SLC6A7: variants seen among roughly 807,000 people sequenced by gnomAD.
SLC6A7 encodes sodium-dependent proline transporter.
SLC6A7 carries 58 observed loss-of-function variants against 73.1 expected under a neutral mutation model. The observed-to-expected ratio is 0.79, with a 90% CI of 0.64 to 0.99. The LOEUF is 0.99. Among genes scored for constraint, SLC6A7 ranks in the 50% least tolerant of loss-of-function variants. SLC6A7 has a pLI of 0.00. For missense variants in SLC6A7, 783 were observed against 831.4 expected (o/e 0.94, Z 0.72); for synonymous variants, 338 against 338.7 (o/e 1.00, Z 0.02).
intron 1 of SLC6A7, among the ~76,000 whole-genome samples, chr5:150,191,673 G>A (rs943950852): frequency 4.6e-5 from 7 of 151,962 alleles, no homozygotes; most frequent in African/African-American, 1.7e-4. Flanking sequence ...CTCGTGATCC[G>A]CCCGCCTCGG....
chr5:150,197,010 C>A, intron 3 of SLC6A7, 32 bp from the exon 4 acceptor site: 1 of 1,596,850 alleles, frequency 6.3e-7, no homozygotes, highest in Non-Finnish European at 8.6e-7. Context: ...AGAGCTTGGC[C>A]TGGGCAGCCC....
intron 6 of SLC6A7, 108 bp from the exon 7 acceptor site, chr5:150,202,239 C>T (rs1277757847): frequency 7.8e-6 from 6 of 772,536 alleles, no homozygotes; most frequent in Non-Finnish European, 1.1e-5. Context: ...CCACGCCATC[C>T]CTCGTGACCA....
rs374861204 is a variant in SLC6A7 at position 150,196,759 on chromosome 5, C to G, written c.261C>G (p.Gly87=). The G allele has an allele frequency of 1.1e-4, 177 of 1,614,120 alleles. 5 individuals carry two copies. The highest frequency in any genetic ancestry group is 2.4e-4 in the South Asian group (22 of 91,092). The change falls in exon 3 of 14, where the codon GGC becomes GGG. Residue 87 remains glycine, a synonymous_variant. Transcript: ENST00000230671. Reference sequence around the variant, plus strand: ...ACTTCCTCATGCTGGCCATCTGTGGCATCCCCCTCTTCTTCCTGGAGCTCT... The same window carrying G: ...ACTTCCTCATGCTGGCCATCTGTGGGATCCCCCTCTTCTTCCTGGAGCTCT... ...VPYFLMLAIC[G]IPLFFLELSL...
At chr5:150,196,988 C>A (rs1322402334) in intron 3 of SLC6A7, 54 bp from the exon 4 acceptor site, 15 of 1,565,112 alleles carry the variant, frequency 9.6e-6, no homozygotes, top group Admixed American at 1.7e-5. Context: ...AGCCACTCCA[C>A]CCGGCTGGCA....
chr5:150,195,220 G>A (rs1335970395), intron 2 of SLC6A7: 2 of 287,532 alleles, frequency 7.0e-6, no homozygotes, highest in African/African-American at 4.2e-5. Context: ...GTGATAAGGA[G>A]CTGTATCTGC....
intron 2 of SLC6A7, 54 bp downstream of exon 2, chr5:150,194,965 G>A: frequency 6.6e-7 from 1 of 1,513,386 alleles, no homozygotes. Context: ...CCAAGGCCCT[G>A]GGGTACAGTG....
intron 11 of SLC6A7, 85 bp from the exon 12 acceptor site, chr5:150,204,742 G>C: frequency 7.4e-7 from 1 of 1,348,944 alleles, no homozygotes; most frequent in Non-Finnish European, 1.1e-6. Context: ...AGGGTTTCCA[G>C]TGGGGGCAGC....
intron 1 of SLC6A7, among the ~76,000 whole-genome samples, chr5:150,192,749 C>T (rs919249800): frequency 6.6e-6 from 1 of 152,168 alleles, no homozygotes. Context: ...GAACCGGGAC[C>T]GCTCCATGAG....
At chr5:150,204,723 C>A in intron 11 of SLC6A7, 92 bp downstream of exon 11, 1 of 1,364,096 alleles carries the variant, frequency 7.3e-7, no homozygotes, top group South Asian at 1.2e-5. Context: ...GTCCCTGGTC[C>A]CAAGGGCCAG....
rs972726595 is a variant in SLC6A7 at position 150,204,531 on chromosome 5, G to C, written c.1333-1G>C. On this transcript the variant is annotated splice_acceptor_variant, in intron 10 of 13. Transcript: ENST00000230671. LOFTEE classifies it high-confidence loss of function. ...ACACCAGAACTGTGCTTGTGTTTTAGGGGGGCATGTACTGGCTGGTCCTTC... is the reference window on the plus strand; with the variant it reads ...ACACCAGAACTGTGCTTGTGTTTTACGGGGGCATGTACTGGCTGGTCCTTC... The C allele has an allele frequency of 6.2e-7, 1 of 1,612,012 alleles. No homozygotes were observed. The highest frequency in any genetic ancestry group is 8.5e-7 in the Non-Finnish European group (1 of 1,178,174).
Position 150,205,640 on chromosome 5 carries a change from T to A in SLC6A7, c.1701+17T>A. On this transcript the variant is annotated intron_variant, in intron 13 of 13. Transcript: ENST00000230671. ...CTCTGGGAGGTGAGTCTGCCCACCC[T>A]GTCCACTCTCAGCCTTCCTGACCTG... 1 of 1,594,322 alleles carries A rather than the reference T, an allele frequency of 6.3e-7. No homozygotes were observed. Among genetic ancestry groups the A allele is most frequent in the African/African-American group, 1.3e-5 (1 of 74,664 alleles).
At chr5:150,208,865 G>A (rs1753823707) in intron 13 of SLC6A7, among the ~76,000 whole-genome samples, 1 of 152,220 alleles carries the variant, frequency 6.6e-6, no homozygotes, top group African/African-American at 2.4e-5. Flanking sequence ...GAGGCAGAAG[G>A]AGGCAGGTCG....
rs940941115 is a variant in SLC6A7, at chr5:150,202,419, T to C, written c.931T>C (p.Ser311Pro). The C allele has an allele frequency of 2.7e-5, 43 of 1,613,940 alleles. No individual in the cohort carries two copies. Among genetic ancestry groups the C allele is most frequent in the Non-Finnish European group, 3.5e-5 (41 of 1,179,950 alleles). The change falls in exon 7 of 14, where the codon TCC becomes CCC. Residue 311 changes from serine (S) to proline (P), a missense_variant. Coordinates refer to ENST00000230671, the MANE Select transcript of SLC6A7 (RefSeq NM_014228.5). ...VGFGGLLTFA[S>P]YNTFHQNIYR... is the part of the protein sequence containing the mutation. ...CTTCGGGGGGCTCCTCACCTTTGCC[T>C]CCTACAACACGTTTCACCAGAACAT... is the stretch of plus-strand genomic sequence containing the variant.
chr5:150,204,659 G>A (rs368171367), intron 11 of SLC6A7, 28 bp downstream of exon 11: 35 of 1,541,384 alleles, frequency 2.3e-5, no homozygotes, highest in African/African-American at 1.4e-4. Flanking sequence ...AAGTGGAGTC[G>A]AGCTCTCCGC....
At position 150,204,938 on chromosome 5, in the gene SLC6A7, AG is replaced by A; in HGVS notation, c.1533+14del. ...CCAGCCACGCTCTTGGTAACTGGGG[AG>A]GGCGGGAGGGTTTCTGGCTGGGGCC... is the stretch of plus-strand genomic sequence containing the variant. On this transcript the variant is annotated intron_variant, in intron 12 of 13. Coordinates refer to ENST00000230671, the MANE Select transcript of SLC6A7 (RefSeq NM_014228.5). 4.0e-6 allele frequency: 2 copies of A among 496,942 alleles called. No individual in the cohort carries two copies. The highest frequency in any genetic ancestry group is 4.1e-6 in the Non-Finnish European group (1 of 245,186). The allele number at this position is 496,942 out of a possible 1,614,324, so 30.8% of individuals were successfully genotyped here. A position where few individuals can be genotyped will look rare whatever the true frequency, so the allele number is the denominator to read the frequency against.
chr5:150,198,303 C>T (rs1753185253), intron 4 of SLC6A7, among the ~76,000 whole-genome samples: 1 of 150,966 alleles, frequency 6.6e-6, no homozygotes, highest in Non-Finnish European at 1.5e-5. Flanking sequence ...CTATAACCCC[C>T]ATCCCTTACC....
chr5:150,205,891 G>T (rs900783402), intron 13 of SLC6A7, among the ~76,000 whole-genome samples: 1 of 152,152 alleles, frequency 6.6e-6, no homozygotes, highest in Admixed American at 6.5e-5. Flanking sequence ...GGTTGGGGGT[G>T]TGTCAGGTCT....
At chr5:150,203,813 TGTGTGTG>T (rs1018105876) in intron 9 of SLC6A7, 34 bp downstream of exon 9, 1 of 1,458,698 alleles carries the variant, frequency 6.9e-7, no homozygotes, top group Non-Finnish European at 9.5e-7. Context: ...GCACCCCGTG[TGTGTGTG>T]GTGTGTGTGT....
In SLC6A7 at chr5:150,203,820, G is replaced by GGTGTGTGTGTGTGT. The variant is rs35380195; in HGVS notation, c.1201-56_1201-43dup. On this transcript the variant is annotated intron_variant, in intron 9 of 13. Coordinates refer to ENST00000230671, the MANE Select transcript of SLC6A7 (RefSeq NM_014228.5). ...GGCAGCAGGCACCCCGTGTGTGTGT[G>GGTGTGTGTGTGTGT]GTGTGTGTGTGTGTGTGTGTGTGTG... 8.5e-4 allele frequency: 681 copies of GGTGTGTGTGTGTGT among 802,470 alleles called. 7 individuals are homozygous for GGTGTGTGTGTGTGT. Among genetic ancestry groups the GGTGTGTGTGTGTGT allele is most frequent in the African/African-American group, 7.8e-3 (387 of 49,874 alleles). 49.7% of individuals were successfully genotyped at this position (802,470 alleles called of 1,614,324 possible). A position where few individuals can be genotyped will look rare whatever the true frequency, so the allele number is the denominator to read the frequency against.
Sources: allele counts gnomAD v4.1 joint callset (sites outside exome capture counted in the v4.1 genomes callset), GRCh38; gene constraint gnomAD v4.1.1; transcripts MANE v1.5; gene names NCBI Gene and HGNC (gene_info 2026-07-23, HGNC 2026-07-21).